Variants in CADM2 observed in about 807,000 individuals in gnomAD.
The protein encoded by CADM2 is cell adhesion molecule 2.
In CADM2, 12 loss-of-function variants were observed where a neutral mutation model predicts 49.8. That is an observed-to-expected ratio of 0.24 (90% confidence interval 0.15 to 0.39). The LOEUF (loss-of-function observed/expected upper bound fraction) is 0.39. Ranked by LOEUF, CADM2 falls within the 10% of genes least tolerant of loss-of-function variation. The probability of loss-of-function intolerance (pLI) is 1.00; values close to 1 mark genes in which losing one functional copy is unlikely to be tolerated. For missense variants in CADM2, 378 were observed against 492.3 expected (o/e 0.77, Z 2.20); for synonymous variants, 214 against 175.4 (o/e 1.22, Z -1.74).
chr3:86,014,070 G>C, intron 8 of CADM2: 1 of 1,289,820 alleles, frequency 7.8e-7, no homozygotes, highest in Non-Finnish European at 1.1e-6. Context: ...TTTTCACAAC[G>C]GTTAAGAAAG....
intron 1 of CADM2, among the ~76,000 whole-genome samples, chr3:85,711,124 A>T (rs1056640294): frequency 2.0e-5 from 3 of 152,116 alleles, no homozygotes; most frequent in Non-Finnish European, 4.4e-5. Context: ...GTAGTTTTTT[A>T]AATTATGGAA....
At chr3:86,000,951 C>T (rs1730117532) in intron 8 of CADM2, among the ~76,000 whole-genome samples, 1 of 151,770 alleles carries the variant, frequency 6.6e-6, no homozygotes, top group East Asian at 1.9e-4. Flanking sequence ...AAGAAATATA[C>T]CAGAGGGGAT....
intron 1 of CADM2, among the ~76,000 whole-genome samples, chr3:85,518,020 T>A (rs980470902): frequency 2.6e-5 from 4 of 152,144 alleles, no homozygotes; most frequent in Admixed American, 2.6e-4. Context: ...TCTTTTTTTG[T>A]GTGTGTGACA....
At chr3:85,978,176 C>A (rs1202137114) in intron 8 of CADM2, among the ~76,000 whole-genome samples, 2 of 151,558 alleles carry the variant, frequency 1.3e-5, no homozygotes, top group African/African-American at 2.4e-5. Context: ...CAAGATTTGA[C>A]TCTCTGAGGA....
At chr3:85,452,250 T>C (rs1004291467) in intron 1 of CADM2, among the ~76,000 whole-genome samples, 8 of 152,092 alleles carry the variant, frequency 5.3e-5, no homozygotes, top group African/African-American at 1.9e-4. Context: ...TTTGCCCAAA[T>C]TGTCATATCA....
chr3:85,985,129 A>G (rs1053121040), intron 8 of CADM2, among the ~76,000 whole-genome samples: 4 of 151,960 alleles, frequency 2.6e-5, no homozygotes, highest in South Asian at 2.1e-4. Flanking sequence ...TGACTTACAC[A>G]TAACAAATAT....
At chr3:85,766,424 G>C (rs2069659777) in intron 2 of CADM2, among the ~76,000 whole-genome samples, 1 of 152,152 alleles carries the variant, frequency 6.6e-6, no homozygotes. Flanking sequence ...TGTTCAGATG[G>C]ATAAAGAAGA....
At chr3:85,988,782 T>C (rs1728423440) in intron 8 of CADM2, among the ~76,000 whole-genome samples, 1 of 152,170 alleles carries the variant, frequency 6.6e-6, no homozygotes, top group Non-Finnish European at 1.5e-5. Flanking sequence ...GGTCCACTTA[T>C]TTTTCATCTT....
At chr3:85,798,024 T>C (rs2071731943) in intron 2 of CADM2, among the ~76,000 whole-genome samples, 1 of 152,222 alleles carries the variant, frequency 6.6e-6, no homozygotes, top group Non-Finnish European at 1.5e-5. Context: ...TGATGAACTT[T>C]TTTTTTCATA....
chr3:85,442,592 A>G (rs1398978125), intron 1 of CADM2, among the ~76,000 whole-genome samples: 2 of 10,750 alleles, frequency 1.9e-4, no homozygotes, highest in African/African-American at 2.3e-4. Context: ...ATATGAGTAT[A>G]TATATATATA....
At chr3:85,852,595 G>A (rs562729507) in intron 3 of CADM2, among the ~76,000 whole-genome samples, 8 of 152,126 alleles carry the variant, frequency 5.3e-5, no homozygotes, top group African/African-American at 1.9e-4. Flanking sequence ...AAATGTATCA[G>A]TATACAAGGA....
intron 1 of CADM2, among the ~76,000 whole-genome samples, chr3:85,675,306 A>G (rs1018262910): frequency 2.6e-5 from 4 of 152,156 alleles, no homozygotes; most frequent in African/African-American, 2.4e-5. Context: ...GTGCAATTTT[A>G]TAGAATTTCA....
rs551112545 is a variant in CADM2, at chr3:85,409,345, G to T, written c.62-317177G>T. Among the ~76,000 whole-genome samples the T allele has an allele frequency of 2.6e-5, 4 of 151,966 alleles. No homozygotes were observed. The South Asian group carries it at 8.3e-4, about 32-fold the overall frequency. On this transcript the variant is annotated intron_variant, in intron 1 of 9. Transcript: ENST00000383699. Reference sequence around the variant, plus strand: ...GCTAATATTATGAGATTATATTTAGGGAAATTGAGAAAATAAAATGGGAAT... The same window carrying T: ...GCTAATATTATGAGATTATATTTAGTGAAATTGAGAAAATAAAATGGGAAT...
chr3:85,175,783 T>A (rs1646168946), intron 1 of CADM2, among the ~76,000 whole-genome samples: 1 of 152,044 alleles, frequency 6.6e-6, no homozygotes, highest in South Asian at 2.1e-4. Flanking sequence ...AAAAAATAGA[T>A]CATTGTTTAA....
chr3:86,021,661 G>A (rs1733198170), intron 8 of CADM2, among the ~76,000 whole-genome samples: 1 of 152,066 alleles, frequency 6.6e-6, no homozygotes, highest in Admixed American at 6.6e-5. Context: ...TGTCCTCCAG[G>A]CTCATCCATG....
At chr3:85,492,417 C>A (rs747639082) in intron 1 of CADM2, among the ~76,000 whole-genome samples, 12 of 151,972 alleles carry the variant, frequency 7.9e-5, no homozygotes. Flanking sequence ...CATGGTGAAA[C>A]CCTGTCTCTA....
At chr3:85,943,587 T>C (rs899604871) in intron 7 of CADM2, among the ~76,000 whole-genome samples, 2 of 151,908 alleles carry the variant, frequency 1.3e-5, no homozygotes, top group Non-Finnish European at 2.9e-5. Flanking sequence ...ATTTATTAAA[T>C]AGAGTCAATC....
At chr3:85,538,662 T>C (rs1256295438) in intron 1 of CADM2, among the ~76,000 whole-genome samples, 1 of 152,166 alleles carries the variant, frequency 6.6e-6, no homozygotes, top group East Asian at 1.9e-4. Context: ...AAGAAAACTA[T>C]TGTCAGAAAA....
At chr3:85,558,767 A>G (rs181662815) in intron 1 of CADM2, among the ~76,000 whole-genome samples, 9 of 152,226 alleles carry the variant, frequency 5.9e-5, no homozygotes, top group African/African-American at 2.2e-4. Context: ...TGCAGGGTAC[A>G]GATGGCATCT....
Sources: gnomAD v4.1 joint callset for allele counts (sites outside exome capture counted in the v4.1 genomes callset) on GRCh38, gnomAD v4.1.1 for gene constraint, MANE v1.5 for transcripts, NCBI Gene and HGNC (gene_info 2026-07-23, HGNC 2026-07-21) for gene names.